The following KCNN2 variants were observed in gnomAD, a reference collection of about 807,000 sequenced individuals.
KCNN2 encodes small conductance calcium-activated potassium channel protein 2.
KCNN2 carries 24 observed loss-of-function variants against 55.5 expected under a neutral mutation model. The observed-to-expected ratio is 0.43, with a 90% CI of 0.31 to 0.61. KCNN2 has a LOEUF of 0.61. Ranked by LOEUF, KCNN2 falls within the 20% of genes least tolerant of loss-of-function variation. The pLI, the probability that KCNN2 is intolerant of heterozygous loss-of-function variation, is 0.08. For synonymous variants in KCNN2, 431 were observed against 336.1 expected, an observed-to-expected ratio of 1.28 and a Z score of -3.09; for missense variants, 754 against 853.6, an observed-to-expected ratio of 0.88 and a Z score of 1.45.
At chr5:114,421,076 A>C (rs1389171242) in intron 3 of KCNN2, among the ~76,000 whole-genome samples, 1 of 152,144 alleles carries the variant, frequency 6.6e-6, no homozygotes, top group Non-Finnish European at 1.5e-5. Flanking sequence ...ATACAGCCTA[A>C]TTTGTCTTAG....
chr5:114,385,627 CCTTTTACCT>C (rs1403287338), intron 2 of KCNN2, among the ~76,000 whole-genome samples: 1 of 151,280 alleles, frequency 6.6e-6, no homozygotes, highest in Non-Finnish European at 1.5e-5. Flanking sequence ...GCTTTCTGTG[CCTTTTACCT>C]AGAATATACC....
At chr5:114,293,703 T>A (rs543631548) in intron 2 of KCNN2, among the ~76,000 whole-genome samples, 158 of 152,330 alleles carry the variant, frequency 1.0e-3, no homozygotes, top group African/African-American at 3.8e-3. Flanking sequence ...GATGCTGGCC[T>A]CATAAAATGC....
At chr5:114,247,453 A>C (rs1685161880) in intron 2 of KCNN2, among the ~76,000 whole-genome samples, 1 of 152,162 alleles carries the variant, frequency 6.6e-6, no homozygotes, top group African/African-American at 2.4e-5. Context: ...CATTACTGGC[A>C]AGTCCCCAAA....
In KCNN2 at chr5:114,314,483, C is replaced by T. The variant is rs139434567; in HGVS notation, c.-184-46462C>T. Among the ~76,000 whole-genome samples the T allele has an allele frequency of 1.8e-3, 278 of 152,052 alleles. 1 individual carries two copies. The highest frequency in any genetic ancestry group is 6.5e-3 in the African/African-American group (271 of 41,490). ...CCATGTTTTACCTATTCCTCTTTTC[C>T]CCACCCTTAAACCCTGGCAACCTCT... On this transcript the variant is annotated intron_variant, in intron 2 of 10. Coordinates refer to the KCNN2 transcript ENST00000512097.
At chr5:114,094,412 T>C (rs979093104) in intron 1 of KCNN2, among the ~76,000 whole-genome samples, 1 of 152,202 alleles carries the variant, frequency 6.6e-6, no homozygotes, top group Admixed American at 6.5e-5. Flanking sequence ...AAAGACTCTG[T>C]AGTTGTCTAG....
intron 1 of KCNN2, among the ~76,000 whole-genome samples, chr5:114,158,146 GT>G (rs1752681625): frequency 6.6e-6 from 1 of 150,734 alleles, no homozygotes; most frequent in African/African-American, 2.4e-5. Context: ...GGTCTAACAT[GT>G]AAGTCTTTAA....
intron 2 of KCNN2, among the ~76,000 whole-genome samples, chr5:114,224,364 C>A (rs1260914853): frequency 6.6e-6 from 1 of 151,948 alleles, no homozygotes; most frequent in African/African-American, 2.4e-5. Context: ...AATATTTTTT[C>A]TTGCTGAATT....
chr5:114,305,776 A>G (rs1369762150), intron 2 of KCNN2, among the ~76,000 whole-genome samples: 1 of 152,208 alleles, frequency 6.6e-6, no homozygotes, highest in African/African-American at 2.4e-5. Context: ...TTCTCCTGAA[A>G]TGTCCCTCCA....
intron 2 of KCNN2, among the ~76,000 whole-genome samples, chr5:114,367,432 T>A (rs1216283113): frequency 6.6e-6 from 1 of 152,218 alleles, no homozygotes; most frequent in Non-Finnish European, 1.5e-5. Flanking sequence ...TCAGGTGATA[T>A]TGAACTTGTT....
chr5:114,476,782 A>C (rs1267766302), intron 5 of KCNN2, among the ~76,000 whole-genome samples: 1 of 152,144 alleles, frequency 6.6e-6, no homozygotes, highest in African/African-American at 2.4e-5. Flanking sequence ...TTAAAATGAC[A>C]CTAGAAGAAA....
chr5:114,361,397 C>T (rs1005170370), upstream of KCNN2, among the ~76,000 whole-genome samples: 19 of 152,164 alleles, frequency 1.2e-4, no homozygotes, highest in Admixed American at 2.6e-4. Context: ...CGGCTATGAT[C>T]CCGCAGCGGC....
intron 3 of KCNN2, among the ~76,000 whole-genome samples, chr5:114,407,720 C>A (rs1758981767): frequency 6.6e-6 from 1 of 152,148 alleles, no homozygotes; most frequent in African/African-American, 2.4e-5. Flanking sequence ...GCTCTTCTGC[C>A]ATGAAAGCAG....
chr5:114,445,866 T>C (rs1760385023), intron 3 of KCNN2, among the ~76,000 whole-genome samples: 1 of 152,226 alleles, frequency 6.6e-6, no homozygotes, highest in African/African-American at 2.4e-5. Context: ...CAAAAGCATC[T>C]ACCCTGCAGT....
intron 1 of KCNN2, among the ~76,000 whole-genome samples, chr5:114,181,975 C>T (rs1334626078): frequency 6.6e-6 from 1 of 151,972 alleles, no homozygotes; most frequent in Non-Finnish European, 1.5e-5. Context: ...GATCAAACCA[C>T]TGCACTTCAG....
At chr5:114,269,627 C>A (rs770678247) in intron 2 of KCNN2, among the ~76,000 whole-genome samples, 1 of 152,000 alleles carries the variant, frequency 6.6e-6, no homozygotes, top group East Asian at 1.9e-4. Context: ...TATTTTAATA[C>A]CCCGTAATGT....
At chr5:114,174,123 G>A (rs1053067404) in intron 1 of KCNN2, among the ~76,000 whole-genome samples, 1 of 151,966 alleles carries the variant, frequency 6.6e-6, no homozygotes, top group East Asian at 1.9e-4. Context: ...AACTCTTCAA[G>A]TGGCTCAGAA....
chr5:114,168,763 A>T (rs1157509533), intron 1 of KCNN2, among the ~76,000 whole-genome samples: 2 of 152,088 alleles, frequency 1.3e-5, no homozygotes, highest in African/African-American at 2.4e-5. Context: ...TATCTTAATT[A>T]TTAATGATAT....
intron 1 of KCNN2, among the ~76,000 whole-genome samples, chr5:114,204,914 C>G (rs1753739755): frequency 6.6e-6 from 1 of 152,194 alleles, no homozygotes; most frequent in African/African-American, 2.4e-5. Context: ...AAGGTCACAT[C>G]AAGACATTAT....
At chr5:114,257,359 T>A (rs999006832) in intron 2 of KCNN2, among the ~76,000 whole-genome samples, 5 of 152,008 alleles carry the variant, frequency 3.3e-5, no homozygotes, top group Non-Finnish European at 5.9e-5. Context: ...TGGTTTCATA[T>A]GAATTTTAGG....
Sources: allele counts gnomAD v4.1 joint callset (sites outside exome capture counted in the v4.1 genomes callset), GRCh38; gene constraint gnomAD v4.1.1; transcripts MANE v1.5; gene names NCBI Gene and HGNC (gene_info 2026-07-23, HGNC 2026-07-21).